Variants in ABCA13 observed in about 807,000 individuals in gnomAD.
ABCA13 encodes the protein ATP-binding cassette sub-family A member 13.
Under a neutral mutation model 478.7 loss-of-function variants are expected in ABCA13, and 476 were observed. That is an observed-to-expected ratio of 0.99 (90% CI 0.92 to 1.07). ABCA13 has a LOEUF of 1.07. Ranked by LOEUF, ABCA13 falls within the 50% of genes least tolerant of loss-of-function variation. The pLI is 0.00. For synonymous variants in ABCA13, 2,252 were observed against 2,158.9 expected, an observed-to-expected ratio of 1.04 and a Z score of -1.20; for missense variants, 6,060 against 5,910.6, an observed-to-expected ratio of 1.03 and a Z score of -0.83.
chr7:48,189,105 A>T (rs1452323073), intron 1 of ABCA13, among the ~76,000 whole-genome samples: 5 of 152,222 alleles, frequency 3.3e-5, no homozygotes, highest in Non-Finnish European at 7.3e-5. Context: ...TTTGGACAGC[A>T]GAAGTGCCAG....
rs1822670289 is a variant in ABCA13 at position 48,435,187 on chromosome 7, AT to A, written c.12565+7320del. 1.1e-4 allele frequency among the ~76,000 whole-genome samples: 17 copies of A among 151,916 alleles called. No homozygotes were observed. In the South Asian group the frequency reaches 3.5e-3, roughly 31 times the overall value. ...TGTCTTTTTCATTTTCTTCAGTAAC[AT>A]TTTGTAGTGTTGAGTGTACAAGTTG... is the stretch of plus-strand genomic sequence containing the variant. On this transcript the variant is annotated intron_variant, in intron 42 of 61. Coordinates refer to ENST00000435803, the MANE Select transcript of ABCA13 (RefSeq NM_152701.5).
rs909779172 is a variant in ABCA13, at chr7:48,201,182, T to A, written c.287+2822T>A. Among the ~76,000 whole-genome samples the A allele has an allele frequency of 4.6e-5, 7 of 152,326 alleles. No individual in the cohort carries two copies. The East Asian group carries it at 1.3e-3, about 29-fold the overall frequency. Reference sequence around the variant, plus strand: ...AACTCCTGAGTCATTCAATAAGAAGTATAGCAATGGCGGTTTCCGTGAATT... The same window carrying A: ...AACTCCTGAGTCATTCAATAAGAAGAATAGCAATGGCGGTTTCCGTGAATT... On this transcript the variant is annotated intron_variant, in intron 3 of 61. Coordinates refer to ENST00000435803, the MANE Select transcript of ABCA13 (RefSeq NM_152701.5).
intron 58 of ABCA13, among the ~76,000 whole-genome samples, chr7:48,608,491 A>G (rs1791695811): frequency 6.6e-6 from 1 of 152,226 alleles, no homozygotes; most frequent in South Asian, 2.1e-4. Context: ...AGCTATATGC[A>G]TGCTACATCC....
intron 15 of ABCA13, among the ~76,000 whole-genome samples, chr7:48,251,687 T>C (rs1281249517): frequency 2.6e-5 from 4 of 151,638 alleles, no homozygotes; most frequent in Non-Finnish European, 5.9e-5. Flanking sequence ...TTTATTAATT[T>C]ATTTTTTATC....
chr7:48,350,397 T>C (rs1808772923), intron 29 of ABCA13, among the ~76,000 whole-genome samples: 1 of 152,230 alleles, frequency 6.6e-6, no homozygotes, highest in African/African-American at 2.4e-5. Context: ...CCCTTTGTGC[T>C]TTAACTGTTT....
chr7:48,184,378 A>G (rs963965165), intron 1 of ABCA13, among the ~76,000 whole-genome samples: 3 of 151,894 alleles, frequency 2.0e-5, no homozygotes, highest in Non-Finnish European at 2.9e-5. Flanking sequence ...GGTCTTTTCC[A>G]CTCTTCAAAT....
chr7:48,449,937 A>G (rs755011436), intron 42 of ABCA13, among the ~76,000 whole-genome samples: 3 of 152,156 alleles, frequency 2.0e-5, no homozygotes, highest in Non-Finnish European at 2.9e-5. Context: ...AATTGCTGGC[A>G]TTGGCTGACT....
chr7:48,379,489 G>T (rs1814010972), intron 35 of ABCA13, among the ~76,000 whole-genome samples: 1 of 151,912 alleles, frequency 6.6e-6, no homozygotes, highest in African/African-American at 2.4e-5. Flanking sequence ...ATATAAAAGA[G>T]AAATAGAAAC....
At chr7:48,174,545 C>G (rs140315960) in intron 1 of ABCA13, among the ~76,000 whole-genome samples, 17 of 152,042 alleles carry the variant, frequency 1.1e-4, no homozygotes, top group South Asian at 1.0e-3. Flanking sequence ...TAATACCTAA[C>G]TCTATAGATT....
At chr7:48,357,021 T>C (rs1032936448) in intron 31 of ABCA13, among the ~76,000 whole-genome samples, 2 of 151,794 alleles carry the variant, frequency 1.3e-5, no homozygotes, top group Non-Finnish European at 2.9e-5. Context: ...CACCCTGGGG[T>C]GGGTTCAAGA....
intron 44 of ABCA13, among the ~76,000 whole-genome samples, chr7:48,467,798 T>C (rs1037466645): frequency 6.6e-6 from 1 of 152,204 alleles, no homozygotes; most frequent in African/African-American, 2.4e-5. Flanking sequence ...AATCTAACAA[T>C]AATACAATAT....
At chr7:48,518,131 T>C (rs1289704093) in intron 52 of ABCA13, among the ~76,000 whole-genome samples, 3 of 152,218 alleles carry the variant, frequency 2.0e-5, no homozygotes, top group African/African-American at 7.2e-5. Flanking sequence ...TTTATATTAA[T>C]ATGTCTACAC....
At chr7:48,543,758 A>T (rs1468473566) in intron 55 of ABCA13, among the ~76,000 whole-genome samples, 1 of 151,918 alleles carries the variant, frequency 6.6e-6, no homozygotes, top group African/African-American at 2.4e-5. Flanking sequence ...CAAACAACAG[A>T]TACATATATA....
intron 41 of ABCA13, among the ~76,000 whole-genome samples, chr7:48,419,811 G>T (rs545803785): frequency 7.6e-4 from 115 of 152,174 alleles, no homozygotes; most frequent in African/African-American, 2.7e-3. Context: ...CACACACACG[G>T]ACGCTAAGAA....
At chr7:48,184,082 GTTTATGCATA>G (rs1796049704) in intron 1 of ABCA13, among the ~76,000 whole-genome samples, 1 of 152,160 alleles carries the variant, frequency 6.6e-6, no homozygotes, top group Admixed American at 6.5e-5. Flanking sequence ...CAAAGTTCCT[GTTTATGCATA>G]TGGTCACTGA....
intron 27 of ABCA13, among the ~76,000 whole-genome samples, chr7:48,321,466 G>T (rs1803448153): frequency 6.6e-6 from 1 of 152,214 alleles, no homozygotes; most frequent in African/African-American, 2.4e-5. Context: ...GGAGCTGCAA[G>T]CTGAGGGCCT....
intron 31 of ABCA13, among the ~76,000 whole-genome samples, chr7:48,363,703 CTG>C (rs1811239293): frequency 3.3e-5 from 5 of 152,028 alleles, no homozygotes; most frequent in South Asian, 2.1e-4. Context: ...TCAATTTGGC[CTG>C]TGTTTCTTCC....
chr7:48,347,428 G>A (rs1466552375), intron 29 of ABCA13, among the ~76,000 whole-genome samples: 2 of 152,204 alleles, frequency 1.3e-5, no homozygotes, highest in East Asian at 3.8e-4. Context: ...AATTTGAGAA[G>A]TGCAATGCAA....
chr7:48,320,148 T>A (rs1803227029), intron 27 of ABCA13, among the ~76,000 whole-genome samples: 1 of 152,240 alleles, frequency 6.6e-6, no homozygotes, highest in Non-Finnish European at 1.5e-5. Flanking sequence ...GAGCATTCGG[T>A]TATTCATGAA....
Sources: gnomAD v4.1 joint callset for allele counts (sites outside exome capture counted in the v4.1 genomes callset) on GRCh38, gnomAD v4.1.1 for gene constraint, MANE v1.5 for transcripts, NCBI Gene and HGNC (gene_info 2026-07-23, HGNC 2026-07-21) for gene names.